TEX11: variants seen among roughly 807,000 people sequenced by gnomAD.
TEX11 encodes testis expressed 11.
A neutral mutation model predicts 84.4 loss-of-function variants in TEX11; 7 were observed. That is an observed-to-expected ratio of 0.08 (90% CI 0.05 to 0.16). TEX11 has a LOEUF of 0.16. TEX11 is among the 10% of genes least tolerant of loss of function. The pLI is 1.00. For synonymous variants in TEX11, 264 were observed against 222.8 expected, an observed-to-expected ratio of 1.18 and a Z score of -1.64; for missense variants, 551 against 660.5, an observed-to-expected ratio of 0.83 and a Z score of 1.82.
At chrX:70,882,025 C>T (rs1415934106) in intron 2 of TEX11, among the ~76,000 whole-genome samples, 2 of 73,030 alleles carry the variant, frequency 2.7e-5, no homozygotes, top group Non-Finnish European at 5.0e-5. Context: ...AAGACTCCAT[C>T]TCAAAAAAAA....
At chrX:70,771,908 G>T (rs1393423588) in intron 9 of TEX11, among the ~76,000 whole-genome samples, 1 of 111,554 alleles carries the variant, frequency 9.0e-6, no homozygotes, top group Non-Finnish European at 1.9e-5. Context: ...CCCAGTTATG[G>T]ACCCACCCCC....
intron 17 of TEX11, among the ~76,000 whole-genome samples, chrX:70,641,575 T>A (rs767533996): frequency 4.2e-4 from 47 of 111,427 alleles, no homozygotes; most frequent in East Asian, 2.8e-3. Context: ...TATCTCTCAG[T>A]CCACAGTGCA....
chrX:70,841,558 A>T (rs2147841733), intron 7 of TEX11, among the ~76,000 whole-genome samples: 1 of 110,973 alleles, frequency 9.0e-6, no homozygotes, highest in African/African-American at 3.3e-5. Flanking sequence ...CCCTAACATC[A>T]CAATTAAAAG....
chrX:70,747,397 T>C (rs2090775314), intron 9 of TEX11, among the ~76,000 whole-genome samples: 1 of 112,033 alleles, frequency 8.9e-6, no homozygotes, highest in African/African-American at 3.2e-5. Flanking sequence ...ACCAAATTAG[T>C]CCAGCCAAGT....
Position 70,856,098 on chromosome X carries a change from C to T in TEX11, c.325-2770G>A, listed in dbSNP as rs1178251155. Reference sequence around the variant, plus strand: ...CTTAAAAGTGGCAAAGACATAGGCACAAGGCAATTCATTGCAGCATCCAAA... The same window carrying T: ...CTTAAAAGTGGCAAAGACATAGGCATAAGGCAATTCATTGCAGCATCCAAA... On this transcript the variant is annotated intron_variant, in intron 5 of 29. Transcript: ENST00000374333. Among the ~76,000 whole-genome samples, 5 of 111,697 alleles carry T rather than the reference C, an allele frequency of 4.5e-5. No homozygotes were observed. The East Asian group carries it at 1.4e-3, about 31-fold the overall frequency.
intron 11 of TEX11, among the ~76,000 whole-genome samples, chrX:70,732,339 T>C (rs1454667832): frequency 1.8e-5 from 2 of 111,343 alleles, no homozygotes; most frequent in East Asian, 5.6e-4. Context: ...GGTATTCAAT[T>C]AGGAAAAGAG....
chrX:70,828,459 C>T (rs2091358780), intron 8 of TEX11, among the ~76,000 whole-genome samples: 1 of 109,871 alleles, frequency 9.1e-6, no homozygotes, highest in African/African-American at 3.3e-5. Flanking sequence ...CTTAAGAATG[C>T]ATCAGTCTCT....
chrX:70,682,301 AATC>A (rs2090153615), intron 14 of TEX11, among the ~76,000 whole-genome samples: 1 of 111,536 alleles, frequency 9.0e-6, no homozygotes, highest in Non-Finnish European at 1.9e-5. Context: ...TTTAGTTCAC[AATC>A]ATCATTTTAT....
At chrX:70,807,223 C>T (rs1041716176) in intron 8 of TEX11, among the ~76,000 whole-genome samples, 5 of 106,543 alleles carry the variant, frequency 4.7e-5, no homozygotes, top group African/African-American at 1.0e-4. Context: ...TCACTATTGA[C>T]GAGGAGTGAG....
At chrX:70,642,642 C>A (rs2147590441) in intron 17 of TEX11, among the ~76,000 whole-genome samples, 1 of 94,476 alleles carries the variant, frequency 1.1e-5, no homozygotes, top group Admixed American at 1.2e-4. Flanking sequence ...TGTAATCCAG[C>A]ATATAAACAG....
At chrX:70,829,481 CAAAAAAAA>C (rs60664977) in intron 8 of TEX11, among the ~76,000 whole-genome samples, 2 of 72,929 alleles carry the variant, frequency 2.7e-5, no homozygotes, top group African/African-American at 1.3e-4. Flanking sequence ...CATTCCGTCT[CAAAAAAAA>C]AAAAAAAAAA....
At chrX:70,788,973 TAG>T (rs35956435) in intron 9 of TEX11, among the ~76,000 whole-genome samples, 183 of 9,516 alleles carry the variant, frequency 0.019, 1 homozygote, top group African/African-American at 0.024. Context: ...TATATATATA[TAG>T]AGAGAGAGAG....
chrX:70,808,251 C>T (rs952569841), intron 8 of TEX11, among the ~76,000 whole-genome samples: 4 of 107,891 alleles, frequency 3.7e-5, no homozygotes, highest in African/African-American at 1.4e-4. Context: ...GCCTGAAATC[C>T]CAGCACTTTG....
intron 9 of TEX11, among the ~76,000 whole-genome samples, chrX:70,749,502 T>C (rs1232572017): frequency 1.8e-5 from 2 of 108,252 alleles, no homozygotes; most frequent in African/African-American, 6.8e-5. Context: ...CTTGTGCCAG[T>C]TTTCAAAGGG....
chrX:70,517,723 T>G, the TEX11 span, among the ~76,000 whole-genome samples: 12 of 111,590 alleles, frequency 1.1e-4, no homozygotes, highest in African/African-American at 3.9e-4. Flanking sequence ...GTACCTCTCA[T>G]AGAATTCGGC....
intron 9 of TEX11, among the ~76,000 whole-genome samples, chrX:70,790,330 A>C (rs2091110286): frequency 8.9e-6 from 1 of 111,751 alleles, no homozygotes; most frequent in Non-Finnish European, 1.9e-5. Context: ...GAAGAGGCAC[A>C]GGAAACTGGG....
chrX:70,757,371 G>A (rs1307381064), intron 9 of TEX11, among the ~76,000 whole-genome samples: 2 of 111,685 alleles, frequency 1.8e-5, no homozygotes, highest in South Asian at 3.8e-4. Context: ...CAGCCAGAAA[G>A]AAAGGTCAGG....
chrX:70,744,323 T>TA (rs2090754871), intron 9 of TEX11, 104 bp from the exon 10 acceptor site: 1 of 275,594 alleles, frequency 3.6e-6, no homozygotes, highest in Non-Finnish European at 5.6e-6. Flanking sequence ...AGACATGGTA[T>TA]AAGCATACTT....
chrX:70,784,561 G>C (rs1462347117), intron 9 of TEX11, among the ~76,000 whole-genome samples: 3 of 111,652 alleles, frequency 2.7e-5, no homozygotes, highest in Non-Finnish European at 5.6e-5. Context: ...CAGGTGACAT[G>C]ATTGTATATT....
Sources: gnomAD v4.1 joint callset for allele counts (sites outside exome capture counted in the v4.1 genomes callset) on GRCh38, gnomAD v4.1.1 for gene constraint, MANE v1.5 for transcripts, NCBI Gene and HGNC (gene_info 2026-07-23, HGNC 2026-07-21) for gene names.